The following ANKS6 variants were observed in gnomAD, a reference collection of about 807,000 sequenced individuals.
The protein encoded by ANKS6 is ankyrin repeat and sterile alpha motif domain containing 6.
ANKS6 carries 47 observed loss-of-function variants against 77.9 expected under a neutral mutation model. That is an observed-to-expected ratio of 0.60 (90% CI 0.48 to 0.77). The LOEUF (loss-of-function observed/expected upper bound fraction) is 0.77, where lower values mean the gene tolerates loss of function less well. Ranked by LOEUF, ANKS6 falls within the 30% of genes least tolerant of loss-of-function variation. The pLI, the probability that ANKS6 is intolerant of heterozygous loss-of-function variation, is 0.00. For missense variants in ANKS6, 1,150 were observed against 1,159.1 expected (o/e 0.99, Z 0.11); for synonymous variants, 488 against 501.7 (o/e 0.97, Z 0.37).
intron 14 of ANKS6, among the ~76,000 whole-genome samples, chr9:98,737,351 T>TAG (rs1250398464): frequency 6.6e-6 from 1 of 152,188 alleles, no homozygotes; most frequent in African/African-American, 2.4e-5. Context: ...AGAAAGCTCC[T>TAG]AGAACTGATA....
intron 5 of ANKS6, among the ~76,000 whole-genome samples, chr9:98,782,101 T>C (rs1834301137): frequency 6.6e-6 from 1 of 152,194 alleles, no homozygotes; most frequent in Non-Finnish European, 1.5e-5. Context: ...CCATTCTGCT[T>C]ATCAAAGGGG....
chr9:98,758,198 T>C (rs1007876125), intron 11 of ANKS6, among the ~76,000 whole-genome samples: 9 of 152,138 alleles, frequency 5.9e-5, no homozygotes, highest in African/African-American at 1.9e-4. Context: ...TACAGGCTCA[T>C]GGGTATTTTT....
intron 8 of ANKS6, 39 bp from the exon 9 acceptor site, chr9:98,774,119 AG>A: frequency 7.1e-7 from 1 of 1,405,868 alleles, no homozygotes. Flanking sequence ...AGCCCCCAGG[AG>A]GGCTCCCAAC....
intron 9 of ANKS6, among the ~76,000 whole-genome samples, chr9:98,772,049 T>C (rs1239028658): frequency 6.6e-6 from 1 of 152,176 alleles, no homozygotes. Context: ...AAGGTTGCAG[T>C]GGGCTGAATT....
At chr9:98,773,059 G>A (rs1833723460) in intron 9 of ANKS6, among the ~76,000 whole-genome samples, 1 of 152,210 alleles carries the variant, frequency 6.6e-6, no homozygotes. Context: ...AGCCATAGAA[G>A]AAGTCTCAGG....
chr9:98,794,476 C>T lies in ANKS6; in HGVS notation c.359+1657G>A, dbSNP rs140846230. On this transcript the variant is annotated intron_variant, in intron 1 of 14. Transcript: ENST00000353234. ...TGGAAGTCTTCCATATATACTACTC[C>T]TCAACTTGACCTTTTCTTATGAATT... Among the ~76,000 whole-genome samples the T allele has an allele frequency of 2.0e-3, 305 of 152,302 alleles. 1 individual carries two copies. The highest frequency in any genetic ancestry group is 3.1e-3 in the Non-Finnish European group (211 of 68,020).
In ANKS6 at chr9:98,756,609, G is replaced by A. The variant is rs1325022549; in HGVS notation, c.2143-6C>T. 1.2e-5 allele frequency: 18 copies of A among 1,526,542 alleles called. No individual in the cohort carries two copies. The highest frequency in any genetic ancestry group is 1.8e-4 in the Middle Eastern group (1 of 5,672). 94.6% of individuals were successfully genotyped at this position (1,526,542 alleles called of 1,614,324 possible). ...CTTTTGCTGGTCTCCAATTTCTGCT[G>A]AACAGAGTAAGACAAATACATAAGC... On this transcript the variant is annotated splice_polypyrimidine_tract_variant and splice_region_variant and intron_variant, in intron 11 of 14. Coordinates refer to ENST00000353234, the MANE Select transcript of ANKS6 (RefSeq NM_173551.5).
At position 98,792,851 on chromosome 9, in the gene ANKS6, G is replaced by A. The variant is rs920754616; in HGVS notation, c.360-2245C>T. ...AACCAATTTTTAAGGAGGAAGAAAA[G>A]GGGTGAATTAGAGCAGAAATAGTGA... On this transcript the variant is annotated intron_variant, in intron 1 of 14. Coordinates refer to ENST00000353234, the MANE Select transcript of ANKS6 (RefSeq NM_173551.5). 7.2e-5 allele frequency among the ~76,000 whole-genome samples: 11 copies of A among 152,216 alleles called. 1 individual carries two copies. The highest frequency in any genetic ancestry group is 1.5e-4 in the Non-Finnish European group (10 of 68,046).
At chr9:98,763,754 A>G (rs1440471984) in intron 11 of ANKS6, among the ~76,000 whole-genome samples, 1 of 152,064 alleles carries the variant, frequency 6.6e-6, no homozygotes, top group African/African-American at 2.4e-5. Context: ...AAAAAGAGAG[A>G]AGTCACAAAT....
chr9:98,747,198 C>T (rs1473601961), intron 13 of ANKS6, among the ~76,000 whole-genome samples: 1 of 152,202 alleles, frequency 6.6e-6, no homozygotes, highest in African/African-American at 2.4e-5. Context: ...TGCATAACTT[C>T]TTGAAAATCC....
chr9:98,784,602 T>C (rs1436267051), intron 3 of ANKS6: 2 of 532,972 alleles, frequency 3.8e-6, no homozygotes, highest in East Asian at 3.0e-5. Context: ...AGCTAGGGCA[T>C]AGCTAGACAG....
rs1461062775 is a variant in ANKS6 at position 98,796,223 on chromosome 9, TG to T, written c.268del (p.His90ThrfsTer35). The T allele has an allele frequency of 7.1e-7, 1 of 1,409,798 alleles. No homozygotes were observed. The highest frequency in any genetic ancestry group is 9.3e-7 in the Non-Finnish European group (1 of 1,080,306). The allele number at this position is 1,409,798 out of a possible 1,614,324, so 87.3% of individuals were successfully genotyped here. ...TALQFAAAGG[H>X]EPLVRFLLRR... ...CAGCAGGAAGCGCACCAGCGGTTCG[TG>T]GCCCCCGGCCGCGGCGAACTGCAGT... On this transcript the variant is annotated frameshift_variant, in exon 1 of 15. Coordinates refer to ENST00000353234, the MANE Select transcript of ANKS6 (RefSeq NM_173551.5). LOFTEE classifies it high-confidence loss of function.
chr9:98,772,262 G>T (rs926886968), intron 9 of ANKS6, among the ~76,000 whole-genome samples: 1 of 152,190 alleles, frequency 6.6e-6, no homozygotes, highest in African/African-American at 2.4e-5. Flanking sequence ...AAAGGCAGAG[G>T]GAATTTTGAC....
rs758679399 is a variant in ANKS6, at chr9:98,745,583, C to T, written c.2487G>A (p.Ala829=). The change falls in exon 14 of 15, where the codon GCG becomes GCA. Residue 829 remains alanine (A), a synonymous_variant. Transcript: ENST00000353234. ...CCTTGCCTGCGTTCAGTTCAGAAAT[C>T]GCTGCCAGAATCTGCTGCCTGGACC... ...TDGSRQQILA[A]ISELNAGKGR... 2.1e-5 allele frequency: 34 copies of T among 1,613,942 alleles called. No individual in the cohort carries two copies. The highest frequency in any genetic ancestry group is 2.5e-5 in the Non-Finnish European group (29 of 1,179,918).
intron 5 of ANKS6, among the ~76,000 whole-genome samples, chr9:98,781,647 T>G (rs1834266830): frequency 6.6e-6 from 1 of 152,120 alleles, no homozygotes; most frequent in Non-Finnish European, 1.5e-5. Flanking sequence ...TGCAGGGGCC[T>G]GCAGCAGGGA....
At chr9:98,738,552 G>C (rs1831626488) in intron 14 of ANKS6, among the ~76,000 whole-genome samples, 1 of 150,142 alleles carries the variant, frequency 6.7e-6, no homozygotes, top group Non-Finnish European at 1.5e-5. Context: ...CCTTACTCCT[G>C]CAAGAATGGC....
At chr9:98,751,701 G>A (rs1254660100) in intron 12 of ANKS6, among the ~76,000 whole-genome samples, 2 of 152,158 alleles carry the variant, frequency 1.3e-5, no homozygotes, top group Admixed American at 1.3e-4. Context: ...CACCTGAGGG[G>A]CTTGGAGAAA....
chr9:98,732,579 G>A lies in ANKS6; in HGVS notation c.*3940C>T, dbSNP rs1400819648. On this transcript the variant is annotated 3_prime_UTR_variant, in exon 15 of 15. Coordinates refer to ENST00000353234, the MANE Select transcript of ANKS6 (RefSeq NM_173551.5). ...CTACGTCAGGGCAGAAGGGAGAGAA[G>A]AAAGAGAGATGAGAGATGAAAGGAT... 1.4e-5 allele frequency: 22 copies of A among 1,550,336 alleles called. No homozygotes were observed. Among genetic ancestry groups the A allele is most frequent in the Non-Finnish European group, 1.7e-5 (20 of 1,146,944 alleles).
At chr9:98,787,889 G>A (rs559126053) in intron 2 of ANKS6, among the ~76,000 whole-genome samples, 19 of 152,280 alleles carry the variant, frequency 1.2e-4, no homozygotes, top group African/African-American at 4.3e-4. Context: ...AAATAACGCC[G>A]ACAACACTAT....
Sources: gnomAD v4.1 joint callset for allele counts (sites outside exome capture counted in the v4.1 genomes callset) on GRCh38, gnomAD v4.1.1 for gene constraint, MANE v1.5 for transcripts, NCBI Gene and HGNC (gene_info 2026-07-23, HGNC 2026-07-21) for gene names.